The following TMEM132D variants were observed in gnomAD, a reference collection of about 807,000 sequenced individuals.
TMEM132D encodes the protein mature OL transmembrane protein.
Under a neutral mutation model 62.3 loss-of-function variants are expected in TMEM132D, and 21 were observed. The ratio of observed to expected loss-of-function variants is 0.34; its 90% CI spans 0.24 to 0.49. The LOEUF is 0.49. Among genes scored for constraint, TMEM132D ranks in the 20% least tolerant of loss-of-function variants. The pLI, the probability that TMEM132D is intolerant of heterozygous loss-of-function variation, is 0.99. For missense variants in TMEM132D, 1,346 were observed against 1,402.8 expected (o/e 0.96, Z 0.65); for synonymous variants, 621 against 575.6 (o/e 1.08, Z -1.13).
intron 1 of TMEM132D, among the ~76,000 whole-genome samples, chr12:129,787,169 G>A (rs1593161447): frequency 1.3e-5 from 2 of 152,272 alleles, no homozygotes; most frequent in African/African-American, 4.8e-5. Flanking sequence ...TGTGAACCAT[G>A]CTACTCTGAA....
chr12:129,112,374 T>C (rs1316871907), intron 5 of TMEM132D, among the ~76,000 whole-genome samples: 3 of 152,190 alleles, frequency 2.0e-5, no homozygotes, highest in Non-Finnish European at 4.4e-5. Context: ...TTAATTAAAA[T>C]TAAGTGGCCG....
At chr12:129,477,820 C>A (rs1424163336) in intron 3 of TMEM132D, among the ~76,000 whole-genome samples, 37 of 141,292 alleles carry the variant, frequency 2.6e-4, no homozygotes, top group Non-Finnish European at 3.5e-4. Context: ...GATTCCATTT[C>A]AAAAAAAAAA....
intron 3 of TMEM132D, among the ~76,000 whole-genome samples, chr12:129,494,182 G>A (rs1359827220): frequency 6.6e-6 from 1 of 152,180 alleles, no homozygotes; most frequent in East Asian, 1.9e-4. Flanking sequence ...TTGAACCAGT[G>A]GAAGTCAACA....
chr12:129,473,592 A>G (rs1333402798), intron 3 of TMEM132D, among the ~76,000 whole-genome samples: 1 of 152,076 alleles, frequency 6.6e-6, no homozygotes, highest in African/African-American at 2.4e-5. Context: ...CGGCCTCCCA[A>G]AATTCTGGGA....
intron 5 of TMEM132D, among the ~76,000 whole-genome samples, chr12:129,095,856 C>T (rs1188579131): frequency 6.6e-6 from 1 of 152,134 alleles, no homozygotes; most frequent in Admixed American, 6.5e-5. Flanking sequence ...TGTAAGCCAC[C>T]TGCTCCTTGG....
intron 1 of TMEM132D, among the ~76,000 whole-genome samples, chr12:129,756,714 C>T (rs1874997606): frequency 6.6e-6 from 1 of 152,162 alleles, no homozygotes; most frequent in Admixed American, 6.6e-5. Context: ...ATTAAAATTA[C>T]AATTTTAAAA....
chr12:129,182,049 T>C (rs1380457771), intron 5 of TMEM132D, among the ~76,000 whole-genome samples: 2 of 152,090 alleles, frequency 1.3e-5, no homozygotes, highest in Non-Finnish European at 2.9e-5. Flanking sequence ...GAGGGGTTCA[T>C]CTGCAACCAT....
intron 2 of TMEM132D, among the ~76,000 whole-genome samples, chr12:129,688,135 ATTCATGAAACTG>A (rs1262670691): frequency 2.0e-5 from 3 of 152,200 alleles, no homozygotes; most frequent in Non-Finnish European, 4.4e-5. Flanking sequence ...TGAAAAGAGA[ATTCATGAAACTG>A]TGTGCAAAGA....
intron 4 of TMEM132D, among the ~76,000 whole-genome samples, chr12:129,330,556 A>G (rs1869070745): frequency 6.6e-6 from 1 of 152,202 alleles, no homozygotes; most frequent in South Asian, 2.1e-4. Flanking sequence ...TCATGGATGA[A>G]TGGATGAATG....
chr12:129,158,782 ACTGC>A (rs1877317003), intron 5 of TMEM132D, among the ~76,000 whole-genome samples: 1 of 152,204 alleles, frequency 6.6e-6, no homozygotes, highest in African/African-American at 2.4e-5. Context: ...CTATAAATAT[ACTGC>A]CTGACACTGG....
intron 3 of TMEM132D, among the ~76,000 whole-genome samples, chr12:129,445,147 C>G (rs1203915730): frequency 6.6e-6 from 1 of 152,082 alleles, no homozygotes; most frequent in Non-Finnish European, 1.5e-5. Context: ...AGAACAATAT[C>G]ATGTCCTTTG....
chr12:129,469,211 A>G (rs1874017875), intron 3 of TMEM132D, among the ~76,000 whole-genome samples: 1 of 152,230 alleles, frequency 6.6e-6, no homozygotes, highest in Non-Finnish European at 1.5e-5. Flanking sequence ...TTAGTGGAGC[A>G]GCCCTTTACT....
chr12:129,813,272 A>G (rs10847954), intron 1 of TMEM132D, among the ~76,000 whole-genome samples: 74,468 of 151,268 alleles, frequency 0.49, 19,848 homozygotes, highest in Non-Finnish European at 0.59. Context: ...TTCCTCACAT[A>G]CTCCCGACCT....
chr12:129,485,091 C>A (rs371948604), intron 3 of TMEM132D, among the ~76,000 whole-genome samples: 1 of 152,116 alleles, frequency 6.6e-6, no homozygotes, highest in African/African-American at 2.4e-5. Flanking sequence ...GGAAGGTGAT[C>A]CCAGAAACCA....
At position 129,665,568 on chromosome 12, in the gene TMEM132D, C is replaced by T. The variant is rs541847191; in HGVS notation, c.968+34242G>A. Among the ~76,000 whole-genome samples the T allele has an allele frequency of 3.3e-5, 5 of 152,066 alleles. No individual in the cohort carries two copies. In the South Asian group the frequency reaches 1.0e-3, roughly 32 times the overall value. ...TGAACAGTCTACTTAAAATACTGAC[C>T]TCTTTCATACATGGAGTCACTGAAG... On this transcript the variant is annotated intron_variant, in intron 2 of 8. Transcript: ENST00000422113.
chr12:129,632,528 C>T (rs1280835524), intron 2 of TMEM132D, among the ~76,000 whole-genome samples: 2 of 152,170 alleles, frequency 1.3e-5, no homozygotes, highest in East Asian at 3.9e-4. Context: ...CCTCCCCATT[C>T]ATTTTTACCT....
chr12:129,239,605 A>C (rs987374200), intron 4 of TMEM132D, among the ~76,000 whole-genome samples: 3 of 152,192 alleles, frequency 2.0e-5, no homozygotes, highest in African/African-American at 7.2e-5. Flanking sequence ...ATATAAGAAG[A>C]GAGAGATTTG....
chr12:129,294,634 A>G (rs1298253789), intron 4 of TMEM132D, among the ~76,000 whole-genome samples: 2 of 152,180 alleles, frequency 1.3e-5, no homozygotes, highest in Non-Finnish European at 2.9e-5. Flanking sequence ...TTTCTTACAT[A>G]CAGTTCTAAC....
chr12:129,753,354 C>T (rs143635556), intron 1 of TMEM132D, among the ~76,000 whole-genome samples: 41 of 152,316 alleles, frequency 2.7e-4, no homozygotes, highest in South Asian at 8.3e-4. Flanking sequence ...TTAAAGCCAA[C>T]GGCTCTTGCA....
Sources: allele counts gnomAD v4.1 joint callset (sites outside exome capture counted in the v4.1 genomes callset), GRCh38; gene constraint gnomAD v4.1.1; transcripts MANE v1.5; gene names NCBI Gene and HGNC (gene_info 2026-07-23, HGNC 2026-07-21).